KCNQ2: variants seen among roughly 807,000 people sequenced by gnomAD.
KCNQ2 encodes the protein potassium voltage-gated channel subfamily Q member 2, also known as potassium voltage-gated channel subfamily KQT member 2.
Under a neutral mutation model 84.8 loss-of-function variants are expected in KCNQ2, and 14 were observed. That is an observed-to-expected ratio of 0.17 (90% CI 0.11 to 0.26). The LOEUF is 0.26. KCNQ2 is among the 10% of genes least tolerant of loss of function. KCNQ2 has a pLI of 1.00. For synonymous variants in KCNQ2, 599 were observed against 554.1 expected (o/e 1.08, Z -1.14); for missense variants, 788 against 1,254.0 (o/e 0.63, Z 5.61).
At chr20:63,443,463 CCATCACCACCATCAT>C (rs2081318311) in intron 4 of KCNQ2, among the ~76,000 whole-genome samples, 1 of 30,606 alleles carries the variant, frequency 3.3e-5, no homozygotes, top group Admixed American at 3.2e-4. Flanking sequence ...ACCATCACCA[CCATCACCACCATCAT>C]CACCACCACC....
chr20:63,432,034 TCAGGGAAGGATCCACCCA>T (rs2080813893), intron 8 of KCNQ2, among the ~76,000 whole-genome samples: 1 of 126,570 alleles, frequency 7.9e-6, no homozygotes, highest in African/African-American at 3.1e-5. Context: ...GGCTCCACCC[TCAGGGAAGGATCCACCCA>T]CAGGGAAGAC....
intron 8 of KCNQ2, 75 bp from the exon 9 acceptor site, chr20:63,431,444 T>C (rs1428612946): frequency 9.3e-6 from 14 of 1,512,776 alleles, no homozygotes; most frequent in Non-Finnish European, 1.1e-5. Context: ...AAAAAGAAAA[T>C]GAAACAAATA....
intron 5 of KCNQ2, among the ~76,000 whole-genome samples, chr20:63,440,515 G>T (rs894116552): frequency 1.3e-5 from 2 of 152,194 alleles, no homozygotes; most frequent in Non-Finnish European, 2.9e-5. Context: ...ACAGCCGCAC[G>T]GAGGCCACTC....
chr20:63,438,636 C>G lies in KCNQ2; in HGVS notation c.1012G>C (p.Gly338Arg). The change falls in exon 7 of 17, where the codon GGC (glycine) becomes CGC (arginine). Residue 338 changes from glycine (G) to arginine (R), a missense_variant. Gly to Arg is a moderately radical substitution (Grantham distance 125). This residue lies in a region of KCNQ2 where 16 missense variants were observed against 38.7 expected (regional missense o/e 0.41). Transcript: ENST00000359125. The surrounding 1 kb of genome is among the most constrained non-coding windows in gnomAD (Gnocchi z 5.1). ...HFEKRRNPAA[G>R]LIQSAWRFYA... is the part of the protein sequence containing the mutation. Reference sequence around the variant, plus strand: ...ACACCTGGACTCACCTGGATCAGGCCTGCTGCCGGGTTCCGCCTCTTCTCA... The same window carrying G: ...ACACCTGGACTCACCTGGATCAGGCGTGCTGCCGGGTTCCGCCTCTTCTCA... The G allele has an allele frequency of 6.2e-7, 1 of 1,613,716 alleles. No homozygotes were observed. The highest frequency in any genetic ancestry group is 8.5e-7 in the Non-Finnish European group (1 of 1,179,974).
At chr20:63,423,856 A>G (rs1216638208) in intron 11 of KCNQ2, 1 of 476,852 alleles carries the variant, frequency 2.1e-6, no homozygotes, top group Non-Finnish European at 3.8e-6. Flanking sequence ...GCGCACTAAC[A>G]GAGACCCCCT....
chr20:63,446,616 C>A lies in KCNQ2; in HGVS notation c.387+131G>T. On this transcript the variant is annotated intron_variant, in intron 2 of 16. Transcript: ENST00000359125. The surrounding 1 kb of genome is among the most constrained non-coding windows in gnomAD (Gnocchi z 5.5). Reference sequence around the variant, plus strand: ...TGGGGGCAGATGGGAACTGACAGGGCACAAAGACATGGCCAGAGCTGGGGC... The same window carrying A: ...TGGGGGCAGATGGGAACTGACAGGGAACAAAGACATGGCCAGAGCTGGGGC... 2 of 769,724 alleles carry A rather than the reference C, an allele frequency of 2.6e-6. No individual in the cohort carries two copies. Among genetic ancestry groups the A allele is most frequent in the Non-Finnish European group, 4.5e-6 (2 of 445,862 alleles). 47.7% of individuals were successfully genotyped at this position (769,724 alleles called of 1,614,324 possible).
At chr20:63,457,989 C>A (rs1400992985) in intron 1 of KCNQ2, among the ~76,000 whole-genome samples, 1 of 152,160 alleles carries the variant, frequency 6.6e-6, no homozygotes, top group African/African-American at 2.4e-5. Flanking sequence ...AGTCACCTGT[C>A]CCACCCAGAC....
chr20:63,422,255 A>T (rs2080494082), intron 11 of KCNQ2: 1 of 152,574 alleles, frequency 6.6e-6, no homozygotes, highest in South Asian at 2.1e-4. Flanking sequence ...TGATTGCGGA[A>T]CAACTTCCTA....
chr20:63,468,002 G>C (rs536746110), intron 1 of KCNQ2, among the ~76,000 whole-genome samples: 3 of 152,218 alleles, frequency 2.0e-5, no homozygotes, highest in Admixed American at 2.0e-4. Flanking sequence ...TCCTCTCACA[G>C]ACACAGAATG....
chr20:63,429,696 T>C (rs1034750531), intron 9 of KCNQ2, among the ~76,000 whole-genome samples: 20 of 152,066 alleles, frequency 1.3e-4, no homozygotes, highest in Non-Finnish European at 2.5e-4. Context: ...GACTCCATTG[T>C]CCCTCAGGGC....
intron 9 of KCNQ2, among the ~76,000 whole-genome samples, chr20:63,430,944 A>G (rs932406659): frequency 6.6e-6 from 1 of 152,160 alleles, no homozygotes; most frequent in Non-Finnish European, 1.5e-5. Flanking sequence ...CCCCCCATCC[A>G]TCATTCCTGC....
rs1415895572 is a variant in KCNQ2, at chr20:63,472,240, C to T, written c.224G>A (p.Arg75His). The T allele has an allele frequency of 1.3e-6, 2 of 1,540,592 alleles. No individual in the cohort carries two copies. Among genetic ancestry groups the T allele is most frequent in the Non-Finnish European group, 1.7e-6 (2 of 1,143,690 alleles). Residue 75 changes from arginine to histidine, a missense_variant, in exon 1 of 17, where the codon CGC becomes CAC. Coordinates refer to ENST00000359125, the MANE Select transcript of KCNQ2 (RefSeq NM_172107.4). Reference sequence around the variant, plus strand: ...GTTGTAGAGGAAATTCTGCAGCTTGCGGTAGAAGGCGTTGCGCTTGGGGGG... The same window carrying T: ...GTTGTAGAGGAAATTCTGCAGCTTGTGGTAGAAGGCGTTGCGCTTGGGGGG... ...GKPPKRNAFY[R>H]KLQNFLYNVL...
At chr20:63,447,892 C>T (rs1324912145) in intron 1 of KCNQ2, among the ~76,000 whole-genome samples, 1 of 152,110 alleles carries the variant, frequency 6.6e-6, no homozygotes, top group Admixed American at 6.5e-5. Context: ...CTACCATGCT[C>T]GGCCCAAATG....
rs1398747366 is a variant in KCNQ2 at position 63,403,512 on chromosome 20, A to C, written c.*3132T>G. 1 of 151,778 alleles carries C rather than the reference A, an allele frequency of 6.6e-6. No individual in the cohort carries two copies. The highest frequency in any genetic ancestry group is 1.5e-5 in the Non-Finnish European group (1 of 68,128). The allele number at this position is 151,778 out of a possible 1,614,324, so 9.4% of individuals were successfully genotyped here. A position where few individuals can be genotyped will look rare whatever the true frequency, so the allele number is the denominator to read the frequency against. On this transcript the variant is annotated 3_prime_UTR_variant, in exon 17 of 17. Coordinates refer to ENST00000359125, the MANE Select transcript of KCNQ2 (RefSeq NM_172107.4). ...TATGCACTTTGTGTGTGCATGTGTTAGTGCTGTGTGTGGTCTGTGCACTTG... is the reference window on the plus strand; with the variant it reads ...TATGCACTTTGTGTGTGCATGTGTTCGTGCTGTGTGTGGTCTGTGCACTTG...
chr20:63,458,608 C>T (rs949147664), intron 1 of KCNQ2, among the ~76,000 whole-genome samples: 1 of 152,212 alleles, frequency 6.6e-6, no homozygotes, highest in African/African-American at 2.4e-5. Flanking sequence ...CTGAGCCTGA[C>T]CGAGCACTGT....
intron 5 of KCNQ2, among the ~76,000 whole-genome samples, chr20:63,439,977 G>A (rs375311567): frequency 1.3e-5 from 2 of 152,256 alleles, no homozygotes; most frequent in East Asian, 1.9e-4. Flanking sequence ...GCCCAGCGAC[G>A]TGACTCCCAC....
At position 63,407,988 on chromosome 20, in the gene KCNQ2, C is replaced by G; in HGVS notation, c.1887+425G>C. The G allele has an allele frequency of 3.7e-6, 1 of 273,902 alleles. No individual in the cohort carries two copies. 17.0% of individuals were successfully genotyped at this position (273,902 alleles called of 1,614,324 possible). A position where few individuals can be genotyped will look rare whatever the true frequency, so the allele number is the denominator to read the frequency against. ...CCTTACTCACTGCTCAGGCCCGGCT[C>G]TCAGAAGCAGGCCCCAAAACAAGGG... On this transcript the variant is annotated intron_variant, in intron 16 of 16. Transcript: ENST00000359125. This position sits in a 1 kb window ranked among gnomAD's most constrained non-coding sequence, Gnocchi z 7.2.
chr20:63,429,403 G>A (rs139302179), intron 9 of KCNQ2, among the ~76,000 whole-genome samples: 167 of 152,078 alleles, frequency 1.1e-3, no homozygotes, highest in African/African-American at 3.7e-3. Context: ...CTGGGGCCAC[G>A]TCCTGGTCTC....
intron 7 of KCNQ2, chr20:63,434,658 C>T (rs1014466503): frequency 2.6e-5 from 4 of 152,192 alleles, no homozygotes; most frequent in South Asian, 2.1e-4. Flanking sequence ...GCTCCACGGA[C>T]TTCCCCGCCC....
Sources: gnomAD v4.1 joint callset for allele counts (sites outside exome capture counted in the v4.1 genomes callset) on GRCh38, gnomAD v4.1.1 for gene constraint, gnomAD v4.1.1 regional missense constraint, Gnocchi (gnomAD v3.1) non-coding constraint, MANE v1.5 for transcripts, NCBI Gene and HGNC (gene_info 2026-07-23, HGNC 2026-07-21) for gene names.